Variants in NPSR1 observed in about 807,000 individuals in gnomAD.
NPSR1 encodes neuropeptide S receptor.
Under a neutral mutation model 46.9 loss-of-function variants are expected in NPSR1, and 48 were observed. That is an observed-to-expected ratio of 1.02 (90% confidence interval 0.81 to 1.30). The LOEUF is 1.30. NPSR1 is among the 50% of genes most tolerant of loss of function. NPSR1 has a pLI of 0.00. For synonymous variants in NPSR1, 176 were observed against 168.1 expected (o/e 1.05, Z -0.36); for missense variants, 450 against 449.5 (o/e 1.00, Z -0.01).
Position 34,827,576 on chromosome 7 carries a change from G to A in NPSR1, c.654G>A (p.Val218=), listed in dbSNP as rs1187191055. The change falls in exon 5 of 9, where the codon GTG becomes GTA. Residue 218 remains valine (V), a synonymous_variant. Coordinates refer to ENST00000360581, the MANE Select transcript of NPSR1 (RefSeq NM_207172.2). ...TPYMTIVAFL[V]YFIPLTIISI... is the part of the protein sequence containing the mutation. ...ACATGACCATCGTGGCCTTCCTGGT[G>A]TACTTCATCCCTCTGACAATCATCA... The A allele has an allele frequency of 1.1e-5, 16 of 1,406,982 alleles. No homozygotes were observed. In the Admixed American group the frequency reaches 2.6e-4, roughly 23 times the overall value. The allele number at this position is 1,406,982 out of a possible 1,614,324, so 87.2% of individuals were successfully genotyped here. A position where few individuals can be genotyped will look rare whatever the true frequency, so the allele number is the denominator to read the frequency against.
At chr7:34,842,232 C>T (rs184532374) in intron 6 of NPSR1, among the ~76,000 whole-genome samples, 5 of 152,280 alleles carry the variant, frequency 3.3e-5, no homozygotes, top group African/African-American at 4.8e-5. Context: ...GAACTTTAGA[C>T]GATTTGCCTA....
Position 34,684,295 on chromosome 7 carries a change from G to C in NPSR1, c.148-257G>C, listed in dbSNP as rs183532317. Among the ~76,000 whole-genome samples the C allele has an allele frequency of 1.4e-3, 207 of 152,252 alleles. 2 individuals are homozygous for C. The highest frequency in any genetic ancestry group is 3.4e-3 in the Middle Eastern group (1 of 294). ...CACATCTTGACCTACTTTTCACATA[G>C]TGTTACAATTACCTGACCAAAGAAT... On this transcript the variant is annotated intron_variant, in intron 1 of 8. Transcript: ENST00000360581.
intron 2 of NPSR1, among the ~76,000 whole-genome samples, chr7:34,696,755 C>G (rs2128693292): frequency 8.3e-6 from 1 of 120,272 alleles, no homozygotes; most frequent in Admixed American, 8.1e-5. Context: ...AAAGCCCAGA[C>G]TGGATAGAAA....
intron 1 of NPSR1, among the ~76,000 whole-genome samples, chr7:34,674,718 C>T (rs1792229270): frequency 6.6e-6 from 1 of 152,188 alleles, no homozygotes. Flanking sequence ...GCACGGAAAG[C>T]TTTGTGACTC....
intron 3 of NPSR1, among the ~76,000 whole-genome samples, chr7:34,793,086 G>A (rs1325338777): frequency 1.3e-5 from 2 of 151,938 alleles, no homozygotes; most frequent in African/African-American, 2.4e-5. Context: ...TAGCTACATG[G>A]GAGGCTGAAG....
intron 1 of NPSR1, among the ~76,000 whole-genome samples, chr7:34,669,671 T>C (rs928763023): frequency 1.3e-5 from 2 of 152,190 alleles, no homozygotes; most frequent in Non-Finnish European, 2.9e-5. Flanking sequence ...CCTCTAATAA[T>C]GACCACTGGC....
intron 5 of NPSR1, 49 bp downstream of exon 5, chr7:34,827,651 G>GGGGGGGGCC: frequency 1.6e-6 from 1 of 613,368 alleles, no homozygotes; most frequent in Non-Finnish European, 2.9e-6. Flanking sequence ...GGCGGGGGGG[G>GGGGGGGGCC]CTTTCCTGTT....
intron 4 of NPSR1, among the ~76,000 whole-genome samples, chr7:34,826,566 A>G (rs1208183627): frequency 6.6e-6 from 1 of 152,204 alleles, no homozygotes; most frequent in Non-Finnish European, 1.5e-5. Flanking sequence ...AGGGATTAAG[A>G]TGAGAGTTTC....
At chr7:34,728,450 C>T (rs533984348) in intron 2 of NPSR1, among the ~76,000 whole-genome samples, 10 of 152,298 alleles carry the variant, frequency 6.6e-5, no homozygotes, top group South Asian at 6.2e-4. Context: ...ACTAGAGAGG[C>T]GTGCAGTGCC....
At position 34,658,569 on chromosome 7, in the gene NPSR1, T is replaced by TTGCC; in HGVS notation, c.147+14_147+17dup. On this transcript the variant is annotated intron_variant, in intron 1 of 8. Transcript: ENST00000360581. ...CTACTACTCCTTTAAGGTAAGTTTC[T>TTGCC]TGCCTGCGACTCTGAACACTGACTT... 6.2e-7 allele frequency: 1 copy of TTGCC among 1,613,516 alleles called. No homozygotes were observed. Among genetic ancestry groups the TTGCC allele is most frequent in the Non-Finnish European group, 8.5e-7 (1 of 1,179,550 alleles).
At chr7:34,874,041 C>CCTCT (rs1476773281) in intron 8 of NPSR1, among the ~76,000 whole-genome samples, 1 of 151,630 alleles carries the variant, frequency 6.6e-6, no homozygotes, top group Non-Finnish European at 1.5e-5. Context: ...ACAGTCTTCT[C>CCTCT]TTGAAAGAGG....
chr7:34,704,343 C>T (rs1793995806), intron 2 of NPSR1: 1 of 129,096 alleles, frequency 7.7e-6, no homozygotes, highest in Non-Finnish European at 1.7e-5. Flanking sequence ...TGAAGTAGTT[C>T]CTCTTTCACC....
intron 4 of NPSR1, among the ~76,000 whole-genome samples, chr7:34,813,969 G>T (rs1295570676): frequency 6.6e-6 from 1 of 152,196 alleles, no homozygotes; most frequent in Non-Finnish European, 1.5e-5. Context: ...GAACAGCTCT[G>T]GTCTGCAGCT....
rs1790023399 is a variant in NPSR1 at position 34,829,623 on chromosome 7, AGCAGAGTGGATGC to A, written c.680+2022_680+2034del. Among the ~76,000 whole-genome samples, 3 of 152,306 alleles carry A rather than the reference AGCAGAGTGGATGC, an allele frequency of 2.0e-5. No individual in the cohort carries two copies. The South Asian group carries it at 6.2e-4, about 32-fold the overall frequency. On this transcript the variant is annotated intron_variant, in intron 5 of 8. Transcript: ENST00000360581. ...TGAACTCCAGTCAAAGTCCCCGCTC[AGCAGAGTGGATGC>A]TGCAGCACATGGACCACGCAGCTCA...
rs549275828 is a variant in NPSR1, at chr7:34,677,670, C to T, written c.148-6882C>T. Among the ~76,000 whole-genome samples, 57 of 152,298 alleles carry T rather than the reference C, an allele frequency of 3.7e-4. 1 individual carries two copies. Among genetic ancestry groups the T allele is most frequent in the African/African-American group, 1.4e-3 (57 of 41,556 alleles). On this transcript the variant is annotated intron_variant, in intron 1 of 8. Coordinates refer to ENST00000360581, the MANE Select transcript of NPSR1 (RefSeq NM_207172.2). The stretch of plus-strand genomic sequence containing the variant: ...CTGAGGGAGGGGCCAACAGATTCGT[C>T]TGCTCTCTGACAGGAAGTAAAGGCC...
intron 2 of NPSR1, among the ~76,000 whole-genome samples, chr7:34,777,883 G>A (rs1787043611): frequency 6.6e-6 from 1 of 152,086 alleles, no homozygotes; most frequent in Non-Finnish European, 1.5e-5. Context: ...TGGCCTTAGT[G>A]CCTCTGTAAT....
intron 2 of NPSR1, among the ~76,000 whole-genome samples, chr7:34,685,465 G>A (rs1042690672): frequency 2.0e-5 from 3 of 152,068 alleles, no homozygotes; most frequent in African/African-American, 7.2e-5. Context: ...GAGCAAGATG[G>A]CTGTTATATT....
At chr7:34,793,810 G>A in intron 3 of NPSR1, among the ~76,000 whole-genome samples, 1 of 151,992 alleles carries the variant, frequency 6.6e-6, no homozygotes, top group Non-Finnish European at 1.5e-5. Context: ...CCAAGATATG[G>A]CAACAATCTA....
chr7:34,693,339 A>G (rs1198505766), intron 2 of NPSR1, among the ~76,000 whole-genome samples: 1 of 152,216 alleles, frequency 6.6e-6, no homozygotes, highest in Non-Finnish European at 1.5e-5. Context: ...GAAATAAAAA[A>G]AAATCATCAG....
Sources: allele counts gnomAD v4.1 joint callset (sites outside exome capture counted in the v4.1 genomes callset), GRCh38; gene constraint gnomAD v4.1.1; transcripts MANE v1.5; gene names NCBI Gene and HGNC (gene_info 2026-07-23, HGNC 2026-07-21).